Variants in AIG1 observed in about 807,000 individuals in gnomAD.
AIG1 encodes the protein androgen-induced gene 1 protein.
In AIG1, 23 loss-of-function variants were observed where a neutral mutation model predicts 31.4. That is an observed-to-expected ratio of 0.73 (90% CI 0.53 to 1.04). AIG1 has a LOEUF of 1.04. Among genes scored for constraint, AIG1 ranks in the 50% least tolerant of loss-of-function variants. The probability of loss-of-function intolerance (pLI) is 0.00; values close to 1 mark genes in which losing one functional copy is unlikely to be tolerated. For synonymous variants in AIG1, 100 were observed against 110.5 expected (o/e 0.90, Z 0.60); for missense variants, 274 against 295.0 (o/e 0.93, Z 0.52).
intron 1 of AIG1, among the ~76,000 whole-genome samples, chr6:143,128,234 T>C (rs1782869874): frequency 1.3e-5 from 2 of 152,190 alleles, no homozygotes; most frequent in Non-Finnish European, 1.5e-5. Flanking sequence ...TTGAGTATAC[T>C]TCCATACTTG....
rs150302169 is a variant in AIG1 at position 143,100,157 on chromosome 6, T to C, written c.142-36678T>C. Among the ~76,000 whole-genome samples the C allele has an allele frequency of 5.6e-3, 857 of 152,332 alleles. 3 individuals carry two copies. Among genetic ancestry groups the C allele is most frequent in the Non-Finnish European group, 8.2e-3 (558 of 68,028 alleles). Reference sequence around the variant, plus strand: ...ACCCACTGACAGCACTGGCTTGGTTTTTGGCCCTGCTTGTGCTGGTACTTT... The same window carrying C: ...ACCCACTGACAGCACTGGCTTGGTTCTTGGCCCTGCTTGTGCTGGTACTTT... On this transcript the variant is annotated intron_variant, in intron 1 of 5. Transcript: ENST00000357847.
intron 3 of AIG1, among the ~76,000 whole-genome samples, chr6:143,272,382 G>A (rs1796586779): frequency 6.6e-6 from 1 of 152,188 alleles, no homozygotes. Context: ...TCTTCCAGGT[G>A]GTAATGCAGG....
chr6:143,320,698 G>A (rs1437639802), intron 4 of AIG1, among the ~76,000 whole-genome samples: 1 of 152,160 alleles, frequency 6.6e-6, no homozygotes, highest in African/African-American at 2.4e-5. Flanking sequence ...AGGGAATCAA[G>A]GAGGTGTTGG....
rs1169733907 is a variant in AIG1 at position 143,333,171 on chromosome 6, C to T, written c.516-111C>T. The stretch of plus-strand genomic sequence containing the variant: ...GTATCAGAAGCGAACTTGAGACTGG[C>T]AAATGCTGAAGCATGGGGAGAGTGA... On this transcript the variant is annotated intron_variant, in intron 4 of 5. Transcript: ENST00000357847. The surrounding 1 kb of genome is among the most constrained non-coding windows in gnomAD (Gnocchi z 4.6). 8.9e-7 allele frequency: 1 copy of T among 1,118,374 alleles called. No homozygotes were observed. The highest frequency in any genetic ancestry group is 2.8e-5 in the East Asian group (1 of 35,410). The allele number at this position is 1,118,374 out of a possible 1,614,324, so 69.3% of individuals were successfully genotyped here.
chr6:143,223,253 C>T (rs1195770504), intron 3 of AIG1, among the ~76,000 whole-genome samples: 1 of 152,124 alleles, frequency 6.6e-6, no homozygotes, highest in Non-Finnish European at 1.5e-5. Context: ...ACAATCCATC[C>T]CAGACCTACA....
chr6:143,136,732 CT>C (rs1783789184), intron 1 of AIG1, 102 bp from the exon 2 acceptor site: 3 of 1,092,230 alleles, frequency 2.7e-6, no homozygotes, highest in Non-Finnish European at 3.6e-6. Context: ...GCTTCTGATC[CT>C]TTCTTATTAG....
intron 3 of AIG1, chr6:143,189,261 C>A: frequency 2.1e-6 from 1 of 479,824 alleles, no homozygotes; most frequent in Non-Finnish European, 2.7e-6. Flanking sequence ...GTTTCCCAAG[C>A]TAGAGACAAT....
At chr6:143,286,497 G>T (rs749287767) in intron 4 of AIG1, among the ~76,000 whole-genome samples, 2 of 152,128 alleles carry the variant, frequency 1.3e-5, no homozygotes, top group Non-Finnish European at 2.9e-5. Flanking sequence ...CTAAACAATG[G>T]CCCTCACGTC....
At chr6:143,241,188 A>C (rs141263319) in intron 3 of AIG1, among the ~76,000 whole-genome samples, 127 of 152,366 alleles carry the variant, frequency 8.3e-4, no homozygotes, top group African/African-American at 2.8e-3. Context: ...CACTTTTAAC[A>C]AAGGCTCAAG....
At chr6:143,314,782 A>T (rs1775599457) in intron 4 of AIG1, among the ~76,000 whole-genome samples, 1 of 152,150 alleles carries the variant, frequency 6.6e-6, no homozygotes, top group African/African-American at 2.4e-5. Flanking sequence ...AAAATAAAAA[A>T]GTACAGCTCA....
At chr6:143,096,035 T>A (rs1407219106) in intron 1 of AIG1, among the ~76,000 whole-genome samples, 1 of 151,292 alleles carries the variant, frequency 6.6e-6, no homozygotes, top group Non-Finnish European at 1.5e-5. Flanking sequence ...GCCTCCCGAG[T>A]AGCTGGGACT....
chr6:143,087,204 A>G (rs1471736855), intron 1 of AIG1, among the ~76,000 whole-genome samples: 1 of 152,196 alleles, frequency 6.6e-6, no homozygotes, highest in Non-Finnish European at 1.5e-5. Flanking sequence ...CGGTCTACCA[A>G]ATGTTACCGG....
rs944745424 is a variant in AIG1 at position 143,334,032 on chromosome 6, C to A, written c.679+587C>A. ...ATAATATTTCGTGGCTGGAAAAACT[C>A]TTTTAACCTGTGATTTGATTTCTCT... On this transcript the variant is annotated intron_variant, in intron 5 of 5. Coordinates refer to ENST00000357847, the MANE Select transcript of AIG1 (RefSeq NM_016108.4). The surrounding 1 kb of genome is among the most constrained non-coding windows in gnomAD (Gnocchi z 5.1). 4 of 1,548,038 alleles carry A rather than the reference C, an allele frequency of 2.6e-6. No homozygotes were observed. Among genetic ancestry groups the A allele is most frequent in the Non-Finnish European group, 3.5e-6 (4 of 1,145,620 alleles).
At chr6:143,079,163 G>T (rs74754507) in intron 1 of AIG1, among the ~76,000 whole-genome samples, 1,700 of 152,134 alleles carry the variant, frequency 0.011, 32 homozygotes, top group African/African-American at 0.038. Flanking sequence ...ACTTCCTCTT[G>T]CTTGGTTCCT....
chr6:143,216,276 T>G (rs947392049), intron 3 of AIG1, among the ~76,000 whole-genome samples: 4 of 152,204 alleles, frequency 2.6e-5, no homozygotes, highest in Non-Finnish European at 5.9e-5. Context: ...GACCGGATGA[T>G]CGAGGGCTTT....
chr6:143,275,436 G>C (rs2128671386), intron 3 of AIG1, among the ~76,000 whole-genome samples: 1 of 152,200 alleles, frequency 6.6e-6, no homozygotes, highest in African/African-American at 2.4e-5. Flanking sequence ...TGAACCTATA[G>C]AGGAACGTCT....
intron 3 of AIG1, among the ~76,000 whole-genome samples, chr6:143,275,889 C>T (rs1445795902): frequency 6.6e-6 from 1 of 152,162 alleles, no homozygotes; most frequent in African/African-American, 2.4e-5. Context: ...AACACTAAGT[C>T]ACTTAAAAAT....
In AIG1 at chr6:143,293,069, C is replaced by G. The variant is rs929089552; in HGVS notation, c.515+8844C>G. Among the ~76,000 whole-genome samples, 1 of 152,108 alleles carries G rather than the reference C, an allele frequency of 6.6e-6. No homozygotes were observed. The highest frequency in any genetic ancestry group is 2.4e-5 in the African/African-American group (1 of 41,408). The stretch of plus-strand genomic sequence containing the variant: ...CTTTAAAATGGGAAAGAATGCCTGC[C>G]TCACAGAGTTGTGAGGATTAATGAG... On this transcript the variant is annotated intron_variant, in intron 4 of 5. Transcript: ENST00000357847. This position sits in a 1 kb window ranked among gnomAD's most constrained non-coding sequence, Gnocchi z 4.8.
chr6:143,281,061 C>T (rs181571560), intron 3 of AIG1, among the ~76,000 whole-genome samples: 1 of 152,236 alleles, frequency 6.6e-6, no homozygotes, highest in East Asian at 1.9e-4. Context: ...AAGTGATCTG[C>T]AATTATGCAC....
Sources: allele counts gnomAD v4.1 joint callset (sites outside exome capture counted in the v4.1 genomes callset), GRCh38; gene constraint gnomAD v4.1.1; non-coding constraint Gnocchi (gnomAD v3.1); transcripts MANE v1.5; gene names NCBI Gene and HGNC (gene_info 2026-07-23, HGNC 2026-07-21).